The following GADL1 variants were observed in gnomAD, a reference collection of about 807,000 sequenced individuals.
GADL1 encodes the protein GAD like acidic amino acid decarboxylase 1, also known as acidic amino acid decarboxylase GADL1.
Under a neutral mutation model 69.5 loss-of-function variants are expected in GADL1, and 71 were observed. The observed-to-expected ratio is 1.02, with a 90% CI of 0.84 to 1.25. The LOEUF is 1.25. GADL1 is among the 50% of genes most tolerant of loss of function. The pLI is 0.00. For missense variants in GADL1, 737 were observed against 631.8 expected, an observed-to-expected ratio of 1.17 and a Z score of -1.79; for synonymous variants, 254 against 214.4, an observed-to-expected ratio of 1.18 and a Z score of -1.62.
At chr3:30,762,787 G>A (rs1482782848) in intron 14 of GADL1, among the ~76,000 whole-genome samples, 1 of 152,062 alleles carries the variant, frequency 6.6e-6, no homozygotes, top group Non-Finnish European at 1.5e-5. Flanking sequence ...TATCTTTCTA[G>A]TCTCAATTGT....
At chr3:30,845,707 T>G (rs1698041503) in intron 6 of GADL1, among the ~76,000 whole-genome samples, 1 of 152,182 alleles carries the variant, frequency 6.6e-6, no homozygotes, top group South Asian at 2.1e-4. Context: ...AGTAATAATG[T>G]ACAAGAAAGT....
intron 14 of GADL1, among the ~76,000 whole-genome samples, chr3:30,754,901 A>C (rs1383724498): frequency 7.1e-6 from 1 of 140,794 alleles, no homozygotes; most frequent in Non-Finnish European, 1.6e-5. Flanking sequence ...TAGGATTTTT[A>C]AATTATTCAG....
chr3:30,813,167 T>TATGTAACTG (rs915166110), intron 11 of GADL1, among the ~76,000 whole-genome samples: 1 of 152,222 alleles, frequency 6.6e-6, no homozygotes, highest in African/African-American at 2.4e-5. Flanking sequence ...AGGTATTTGC[T>TATGTAACTG]ATGTAACTGT....
At chr3:30,757,844 G>A (rs915243697) in intron 14 of GADL1, among the ~76,000 whole-genome samples, 18 of 152,232 alleles carry the variant, frequency 1.2e-4, no homozygotes, top group African/African-American at 3.9e-4. Context: ...TAATAGCAAA[G>A]CTGCTCAGAT....
chr3:30,819,052 G>A (rs1020750215), intron 11 of GADL1, among the ~76,000 whole-genome samples: 1 of 152,008 alleles, frequency 6.6e-6, no homozygotes, highest in Non-Finnish European at 1.5e-5. Context: ...TAGATAAAAG[G>A]CCATCTCTAG....
intron 1 of GADL1, among the ~76,000 whole-genome samples, chr3:30,892,301 A>T (rs963734589): frequency 6.6e-6 from 1 of 152,246 alleles, no homozygotes; most frequent in African/African-American, 2.4e-5. Flanking sequence ...AAGAGAATTT[A>T]AGACAAGATA....
At chr3:30,731,693 TAACTA>T (rs1559481952) in intron 14 of GADL1, among the ~76,000 whole-genome samples, 1 of 152,276 alleles carries the variant, frequency 6.6e-6, no homozygotes, top group Non-Finnish European at 1.5e-5. Context: ...TATAAAGACA[TAACTA>T]AATATATGAC....
At chr3:30,817,746 G>A (rs938843659) in intron 11 of GADL1, among the ~76,000 whole-genome samples, 5 of 152,156 alleles carry the variant, frequency 3.3e-5, no homozygotes, top group East Asian at 1.9e-4. Flanking sequence ...ACTGGATGTC[G>A]AGGGTATAAT....
At chr3:30,837,546 C>T (rs1697893931) in intron 9 of GADL1, among the ~76,000 whole-genome samples, 1 of 152,132 alleles carries the variant, frequency 6.6e-6, no homozygotes, top group African/African-American at 2.4e-5. Flanking sequence ...ACAATTTTCT[C>T]TAAGCCCCAT....
intron 5 of GADL1, among the ~76,000 whole-genome samples, chr3:30,850,327 A>G (rs550272591): frequency 6.6e-6 from 1 of 152,248 alleles, no homozygotes; most frequent in East Asian, 1.9e-4. Flanking sequence ...CTTAGAAGAT[A>G]AATTTTGGTT....
intron 11 of GADL1, among the ~76,000 whole-genome samples, chr3:30,805,077 C>A (rs772526952): frequency 5.3e-5 from 8 of 152,316 alleles, no homozygotes; most frequent in Non-Finnish European, 7.4e-5. Context: ...CCTAACCTAG[C>A]GCACATAATA....
intron 14 of GADL1, among the ~76,000 whole-genome samples, chr3:30,749,494 G>A (rs1162738666): frequency 6.6e-6 from 1 of 152,192 alleles, no homozygotes; most frequent in South Asian, 2.1e-4. Context: ...ACTAACTCAT[G>A]CCTATTTTTA....
chr3:30,745,154 C>T (rs554808684), intron 14 of GADL1, among the ~76,000 whole-genome samples: 2 of 152,212 alleles, frequency 1.3e-5, no homozygotes, highest in South Asian at 4.2e-4. Flanking sequence ...TAATGAATTC[C>T]AGCTTCTTTA....
chr3:30,869,368 AAC>A (rs1204792244), intron 1 of GADL1, among the ~76,000 whole-genome samples: 3 of 151,820 alleles, frequency 2.0e-5, no homozygotes. Flanking sequence ...AACTGTGAAC[AAC>A]CTACAAAGAA....
At chr3:30,733,287 G>A (rs902192878) in intron 14 of GADL1, among the ~76,000 whole-genome samples, 1 of 152,166 alleles carries the variant, frequency 6.6e-6, no homozygotes, top group African/African-American at 2.4e-5. Flanking sequence ...TCTTATTGCA[G>A]ACTGGTGACA....
At chr3:30,794,320 C>G (rs1337241124) in intron 12 of GADL1, among the ~76,000 whole-genome samples, 1 of 152,078 alleles carries the variant, frequency 6.6e-6, no homozygotes. Flanking sequence ...AAGACTTAGA[C>G]ATGACTCTTC....
At chr3:30,767,837 T>C (rs984740898) in intron 14 of GADL1, among the ~76,000 whole-genome samples, 5 of 152,132 alleles carry the variant, frequency 3.3e-5, no homozygotes, top group Admixed American at 6.5e-5. Context: ...CAAAGACAGC[T>C]TTAAAACCCA....
At chr3:30,778,323 A>G (rs1361398966) in intron 13 of GADL1, 55 bp from the exon 14 acceptor site, 3 of 1,122,542 alleles carry the variant, frequency 2.7e-6, no homozygotes, top group Non-Finnish European at 4.0e-6. Flanking sequence ...TTAGAATGCA[A>G]TGAAATACTT....
chr3:30,882,154 AT>A (rs567001185), intron 1 of GADL1, among the ~76,000 whole-genome samples: 120 of 151,926 alleles, frequency 7.9e-4, no homozygotes, highest in Non-Finnish European at 1.5e-3. Context: ...GGTATTTTTT[AT>A]TGTGGTAAAA....
Sources: gnomAD v4.1 joint callset for allele counts (sites outside exome capture counted in the v4.1 genomes callset) on GRCh38, gnomAD v4.1.1 for gene constraint, MANE v1.5 for transcripts, NCBI Gene and HGNC (gene_info 2026-07-23, HGNC 2026-07-21) for gene names.